Variants in PRR5L observed in about 807,000 individuals in gnomAD.
PRR5L encodes proline-rich protein 5-like.
Under a neutral mutation model 36.4 loss-of-function variants are expected in PRR5L, and 21 were observed. The ratio of observed to expected loss-of-function variants is 0.58; its 90% confidence interval spans 0.41 to 0.83. The LOEUF (loss-of-function observed/expected upper bound fraction) is 0.83. Among genes scored for constraint, PRR5L ranks in the 40% least tolerant of loss-of-function variants. The pLI is 0.00. For synonymous variants in PRR5L, 188 were observed against 197.0 expected (o/e 0.95, Z 0.38); for missense variants, 381 against 473.3 (o/e 0.80, Z 1.81).
chr11:36,455,316 C>G (rs2133631457), intron 8 of PRR5L: 1 of 152,938 alleles, frequency 6.5e-6, no homozygotes, highest in East Asian at 1.9e-4. Flanking sequence ...GGAACCAAGT[C>G]CCCAACAAAG....
At chr11:36,404,001 A>G (rs1857855654) in intron 3 of PRR5L, among the ~76,000 whole-genome samples, 2 of 152,240 alleles carry the variant, frequency 1.3e-5, no homozygotes, top group South Asian at 4.1e-4. Context: ...GAGGCCAGGA[A>G]TGGTGGATGT....
intron 4 of PRR5L, among the ~76,000 whole-genome samples, chr11:36,430,356 G>A (rs1858468574): frequency 6.6e-6 from 1 of 152,168 alleles, no homozygotes; most frequent in East Asian, 1.9e-4. Context: ...AGGTTGCAGT[G>A]AGCCAAGATC....
intron 1 of PRR5L, chr11:36,376,405 G>A: frequency 8.7e-7 from 1 of 1,149,684 alleles, no homozygotes; most frequent in South Asian, 1.7e-5. Flanking sequence ...GGAGGGAAAC[G>A]TGTCACCAGC....
intron 8 of PRR5L, among the ~76,000 whole-genome samples, chr11:36,456,957 G>A (rs1859071242): frequency 6.6e-6 from 1 of 152,166 alleles, no homozygotes; most frequent in South Asian, 2.1e-4. Context: ...GTGGTGTTGT[G>A]GTCTCCTCCT....
intron 1 of PRR5L, chr11:36,376,347 AGGAGG>A: frequency 1.4e-4 from 11 of 79,936 alleles, no homozygotes; most frequent in Non-Finnish European, 1.8e-4. Flanking sequence ...GAGGAGGAAG[AGGAGG>A]AGGAGGAGGA....
rs1447495971 is a variant in PRR5L at position 36,345,284 on chromosome 11, G to A, written c.-126+48846G>A. Among the ~76,000 whole-genome samples, 4 of 152,136 alleles carry A rather than the reference G, an allele frequency of 2.6e-5. No individual in the cohort carries two copies. In the East Asian group the frequency reaches 5.8e-4, roughly 22 times the overall value. ...ACAGCAGGCACAAGGTCGATGATGG[G>A]AGGAAGGGAAGTGTTAATGAATCAC... On this transcript the variant is annotated intron_variant, in intron 1 of 8. Transcript: ENST00000530639.
chr11:36,407,040 A>G (rs1338950946), intron 3 of PRR5L, among the ~76,000 whole-genome samples: 3 of 152,246 alleles, frequency 2.0e-5, no homozygotes, highest in African/African-American at 7.2e-5. Flanking sequence ...TCCTTAGCAC[A>G]GGGTCTGGTA....
intron 4 of PRR5L, among the ~76,000 whole-genome samples, chr11:36,424,083 C>A (rs114270934): frequency 6.6e-6 from 1 of 152,012 alleles, no homozygotes. Context: ...TATGAGTCTC[C>A]GTGGAAAAAA....
At chr11:36,447,021 C>T (rs921418985) in intron 7 of PRR5L, among the ~76,000 whole-genome samples, 1 of 152,200 alleles carries the variant, frequency 6.6e-6, no homozygotes, top group Non-Finnish European at 1.5e-5. Context: ...TCGAATGTGA[C>T]ACCTCACAGC....
intron 1 of PRR5L, among the ~76,000 whole-genome samples, chr11:36,351,574 TATAAA>T (rs1354590727): frequency 2.9e-4 from 9 of 30,790 alleles, no homozygotes; most frequent in African/African-American, 1.7e-3. Flanking sequence ...TATATATTTA[TATAAA>T]TATATATTTA....
At position 36,401,005 on chromosome 11, in the gene PRR5L, T is replaced by C. The variant is rs1857781058; in HGVS notation, c.-117T>C. The stretch of plus-strand genomic sequence containing the variant: ...CTTCCCTCTCTTTTCAGGTGTTGGC[T>C]ACGTTTGTGGTTTTAAGAAAGCCTG... On this transcript the variant is annotated 5_prime_UTR_variant, in exon 2 of 9. Coordinates refer to ENST00000530639, the MANE Select transcript of PRR5L (RefSeq NM_001160167.2). 6.8e-7 allele frequency: 1 copy of C among 1,472,910 alleles called. No individual in the cohort carries two copies. Among genetic ancestry groups the C allele is most frequent in the Admixed American group, 2.6e-5 (1 of 38,740 alleles). The allele number at this position is 1,472,910 out of a possible 1,614,324, so 91.2% of individuals were successfully genotyped here.
intron 1 of PRR5L, among the ~76,000 whole-genome samples, chr11:36,326,900 T>C (rs1856668488): frequency 6.6e-6 from 1 of 152,184 alleles, no homozygotes; most frequent in Non-Finnish European, 1.5e-5. Context: ...TTGTCTGCAC[T>C]GGGTGAATTC....
chr11:36,439,573 G>A (rs548924346), intron 6 of PRR5L, among the ~76,000 whole-genome samples: 9 of 152,272 alleles, frequency 5.9e-5, no homozygotes, highest in African/African-American at 2.2e-4. Flanking sequence ...ATTCGCATGT[G>A]CTAACCCTGC....
At chr11:36,372,976 T>TTGTGTGTG (rs36076560) in intron 1 of PRR5L, among the ~76,000 whole-genome samples, 1,754 of 146,734 alleles carry the variant, frequency 0.012, 25 homozygotes, top group African/African-American at 0.036. Flanking sequence ...TGCCTAATAG[T>TTGTGTGTG]TGTGTGTGTG....
Position 36,403,394 on chromosome 11 carries a change from G to A in PRR5L, c.245+16G>A. The stretch of plus-strand genomic sequence containing the variant: ...AAAACATCAGGTATGTGGCAGGCCA[G>A]ACTTGGTGCCATTTTCCCCTATAAA... On this transcript the variant is annotated intron_variant, in intron 3 of 8. Coordinates refer to ENST00000530639, the MANE Select transcript of PRR5L (RefSeq NM_001160167.2). The A allele has an allele frequency of 6.2e-7, 1 of 1,609,766 alleles. No individual in the cohort carries two copies. The highest frequency in any genetic ancestry group is 2.2e-5 in the East Asian group (1 of 44,844).
intron 1 of PRR5L, among the ~76,000 whole-genome samples, chr11:36,359,232 C>G (rs1857059812): frequency 6.6e-6 from 1 of 152,144 alleles, no homozygotes; most frequent in Non-Finnish European, 1.5e-5. Flanking sequence ...GTATTAACTT[C>G]TAATGAGAAT....
intron 1 of PRR5L, among the ~76,000 whole-genome samples, chr11:36,373,543 G>A (rs1236060472): frequency 1.3e-5 from 2 of 151,048 alleles, no homozygotes; most frequent in Non-Finnish European, 2.9e-5. Context: ...AGGCTATGGT[G>A]AGCTATGATT....
chr11:36,359,360 C>T (rs1857061267), intron 1 of PRR5L, among the ~76,000 whole-genome samples: 1 of 152,248 alleles, frequency 6.6e-6, no homozygotes, highest in Middle Eastern at 3.4e-3. Context: ...GGTGATTTGA[C>T]CAGAATTGTA....
intron 1 of PRR5L, among the ~76,000 whole-genome samples, chr11:36,343,781 C>T (rs1283912923): frequency 6.6e-6 from 1 of 152,170 alleles, no homozygotes; most frequent in East Asian, 1.9e-4. Context: ...CCTCCACTTA[C>T]TGTTGAGGAA....
Sources: gnomAD v4.1 joint callset for allele counts (sites outside exome capture counted in the v4.1 genomes callset) on GRCh38, gnomAD v4.1.1 for gene constraint, MANE v1.5 for transcripts, NCBI Gene and HGNC (gene_info 2026-07-23, HGNC 2026-07-21) for gene names.